PPP2R5C: variants seen among roughly 807,000 people sequenced by gnomAD.
PPP2R5C encodes protein phosphatase 2 regulatory subunit B'gamma, also known as serine/threonine-protein phosphatase 2A 56 kDa regulatory subunit gamma isoform.
In PPP2R5C, 7 loss-of-function variants were observed where a neutral mutation model predicts 68.9. The ratio of observed to expected loss-of-function variants is 0.10; its 90% CI spans 0.06 to 0.19. The LOEUF (loss-of-function observed/expected upper bound fraction) is 0.19, where lower values mean the gene tolerates loss of function less well. PPP2R5C is among the 10% of genes least tolerant of loss of function. The probability of loss-of-function intolerance (pLI) is 1.00; values close to 1 mark genes in which losing one functional copy is unlikely to be tolerated. For missense variants in PPP2R5C, 348 were observed against 641.3 expected (o/e 0.54, Z 4.94); for synonymous variants, 210 against 222.2 (o/e 0.95, Z 0.49).
intron 1 of PPP2R5C, chr14:101,818,082 C>T (rs1373743701): frequency 6.6e-6 from 1 of 152,162 alleles, no homozygotes; most frequent in Non-Finnish European, 1.5e-5. Context: ...AAATTAGTAT[C>T]ATCAGTACCT....
chr14:101,819,109 A>T, intron 1 of PPP2R5C: 1 of 1,511,494 alleles, frequency 6.6e-7, no homozygotes, highest in Non-Finnish European at 9.0e-7. Context: ...GTGTCTGTAT[A>T]TGTGTGTTTA....
At chr14:101,914,208 A>G (rs920716882) in intron 12 of PPP2R5C, 3 of 455,922 alleles carry the variant, frequency 6.6e-6, no homozygotes, top group African/African-American at 6.0e-5. Context: ...GCTTTGACGA[A>G]CTGTGATGCT....
chr14:101,901,856 G>A (rs750596784), exon 9 of PPP2R5C: 1 of 1,614,228 alleles, frequency 6.2e-7, no homozygotes, highest in East Asian at 2.2e-5. Flanking sequence ...TCTTCCGGCA[G>A]TTGGCCAAAT....
intron 1 of PPP2R5C, among the ~76,000 whole-genome samples, chr14:101,814,033 TAATAAC>T (rs910834499): frequency 6.6e-6 from 1 of 152,208 alleles, no homozygotes; most frequent in African/African-American, 2.4e-5. Flanking sequence ...CCTATATTAA[TAATAAC>T]AATAGCTATA....
At chr14:101,802,205 G>A (rs1200603713) in intron 3 of PPP2R5C, among the ~76,000 whole-genome samples, 1 of 152,150 alleles carries the variant, frequency 6.6e-6, no homozygotes, top group African/African-American at 2.4e-5. Context: ...ACAAGGTCAG[G>A]AGATCGAGAC....
chr14:101,914,558 G>A (rs2141133879), intron 12 of PPP2R5C: 1 of 172,490 alleles, frequency 5.8e-6, no homozygotes, highest in East Asian at 1.6e-4. Context: ...TTGGTTTGCG[G>A]GCTTTGTTTT....
intron 1 of PPP2R5C, among the ~76,000 whole-genome samples, chr14:101,847,808 A>G (rs1024635378): frequency 1.3e-5 from 2 of 151,906 alleles, no homozygotes; most frequent in African/African-American, 2.4e-5. Flanking sequence ...GACTACAGGC[A>G]CATGCCACCA....
Position 101,906,381 on chromosome 14 carries a change from C to T in PPP2R5C, c.1024-21C>T, listed in dbSNP as rs907802534. 1 of 1,571,026 alleles carries T rather than the reference C, an allele frequency of 6.4e-7. No homozygotes were observed. Among genetic ancestry groups the T allele is most frequent in the African/African-American group, 1.4e-5 (1 of 73,388 alleles). ...TGTCTCAGGCACAACCTCCAGCAAGCCATCCACTTGTGTCTTTCAGGTGGC... is the reference window on the plus strand; with the variant it reads ...TGTCTCAGGCACAACCTCCAGCAAGTCATCCACTTGTGTCTTTCAGGTGGC... On this transcript the variant is annotated intron_variant, in intron 9 of 13. Transcript: ENST00000334743. The surrounding 1 kb of genome is among the most constrained non-coding windows in gnomAD (Gnocchi z 4.0).
chr14:101,840,301 AAAAGAG>A (rs1382215264), intron 1 of PPP2R5C, among the ~76,000 whole-genome samples: 2 of 151,990 alleles, frequency 1.3e-5, no homozygotes, highest in African/African-American at 4.8e-5. Context: ...TCATAGTCTC[AAAAGAG>A]TCAGAAAGAA....
At chr14:101,807,723 T>C (rs555924198), upstream of PPP2R5C, among the ~76,000 whole-genome samples, 3 of 152,228 alleles carry the variant, frequency 2.0e-5, no homozygotes, top group South Asian at 6.2e-4. Context: ...TTTAAAGAAC[T>C]ACTTACATGC....
intron 2 of PPP2R5C, among the ~76,000 whole-genome samples, chr14:101,863,529 A>C (rs1479823079): frequency 1.3e-5 from 2 of 152,142 alleles, no homozygotes; most frequent in Non-Finnish European, 1.5e-5. Context: ...TAAGACCAAA[A>C]AGTTTCAGAG....
intron 1 of PPP2R5C, among the ~76,000 whole-genome samples, chr14:101,812,344 G>A (rs1243619147): frequency 1.3e-5 from 2 of 152,132 alleles, no homozygotes; most frequent in Non-Finnish European, 2.9e-5. Flanking sequence ...GCAGGGGCTG[G>A]TGTCAGGAGC....
chr14:101,777,025 T>C (rs1265256211), intron 2 of PPP2R5C, among the ~76,000 whole-genome samples: 2 of 148,898 alleles, frequency 1.3e-5, no homozygotes, highest in East Asian at 2.1e-4. Context: ...GGACTACAGG[T>C]GCACACCACC....
At chr14:101,765,034 C>T in intron 2 of PPP2R5C, 13 of 608,544 alleles carry the variant, frequency 2.1e-5, no homozygotes, top group South Asian at 5.8e-5. Context: ...TCAAAGATAC[C>T]AAAATCACTA....
At chr14:101,761,861 GGGC>G (rs373744052), upstream of PPP2R5C, 74,575 of 1,095,804 alleles carry the variant, frequency 0.068, 2,633 homozygotes, top group East Asian at 0.13. Context: ...GCGGCGGCAG[GGGC>G]GGCGGCGGCG....
chr14:101,777,593 A>C (rs2037488884), intron 2 of PPP2R5C, among the ~76,000 whole-genome samples: 1 of 152,006 alleles, frequency 6.6e-6, no homozygotes, highest in Non-Finnish European at 1.5e-5. Context: ...CAGGTGATCC[A>C]CCCATCTCGG....
At chr14:101,853,721 C>T (rs556403981) in intron 1 of PPP2R5C, among the ~76,000 whole-genome samples, 76 of 152,268 alleles carry the variant, frequency 5.0e-4, no homozygotes, top group Middle Eastern at 3.4e-3. Context: ...CTTAGGCAAG[C>T]TGTGTTGGCT....
At position 101,891,217 on chromosome 14, in the gene PPP2R5C, C is replaced by T. The variant is rs561036660; in HGVS notation, c.689+921C>T. Among the ~76,000 whole-genome samples, 13 of 151,940 alleles carry T rather than the reference C, an allele frequency of 8.6e-5. No homozygotes were observed. Among genetic ancestry groups the T allele is most frequent in the African/African-American group, 1.4e-4 (6 of 41,436 alleles). ...GGGATGTAGTGTAGATGGGCAGTTC[C>T]GGGTTCTCAGGAGCCTGTGGTGGAG... is the stretch of plus-strand genomic sequence containing the variant. On this transcript the variant is annotated intron_variant, in intron 6 of 13. Coordinates refer to ENST00000334743, the Ensembl canonical transcript of PPP2R5C. The surrounding 1 kb of genome is among the most constrained non-coding windows in gnomAD (Gnocchi z 4.9).
Position 101,823,854 on chromosome 14 carries a change from G to A in PPP2R5C, c.94+13818G>A, listed in dbSNP as rs962500086. ...TTTCTGCTCTCAGCTTTTTACAGTGGTGTAGAGTGCAGTGCAGCTGAAACC... is the reference window on the plus strand; with the variant it reads ...TTTCTGCTCTCAGCTTTTTACAGTGATGTAGAGTGCAGTGCAGCTGAAACC... On this transcript the variant is annotated intron_variant, in intron 1 of 13. Coordinates refer to ENST00000334743, the Ensembl canonical transcript of PPP2R5C. The A allele has an allele frequency of 9.8e-6, 12 of 1,225,804 alleles. No homozygotes were observed. The African/African-American group carries it at 1.6e-4, about 16-fold the overall frequency. 75.9% of individuals were successfully genotyped at this position (1,225,804 alleles called of 1,614,324 possible). A position where few individuals can be genotyped will look rare whatever the true frequency, so the allele number is the denominator to read the frequency against.
Sources: allele counts gnomAD v4.1 joint callset (sites outside exome capture counted in the v4.1 genomes callset), GRCh38; gene constraint gnomAD v4.1.1; non-coding constraint Gnocchi (gnomAD v3.1); transcripts MANE v1.5; gene names NCBI Gene and HGNC (gene_info 2026-07-23, HGNC 2026-07-21).